Variants in NIPSNAP2 observed in about 807,000 individuals in gnomAD.
NIPSNAP2 encodes nipsnap homolog 2.
NIPSNAP2 carries 42 observed loss-of-function variants against 48.4 expected under a neutral mutation model. The ratio of observed to expected loss-of-function variants is 0.87; its 90% CI spans 0.68 to 1.12. NIPSNAP2 has a LOEUF of 1.12. NIPSNAP2 is among the 50% of genes most tolerant of loss of function. NIPSNAP2 has a pLI of 0.00. For synonymous variants in NIPSNAP2, 158 were observed against 126.6 expected, an observed-to-expected ratio of 1.25 and a Z score of -1.67; for missense variants, 314 against 347.3, an observed-to-expected ratio of 0.90 and a Z score of 0.76.
intron 5 of NIPSNAP2, among the ~76,000 whole-genome samples, chr7:55,982,691 G>A (rs549875745): frequency 6.6e-6 from 1 of 151,488 alleles, no homozygotes; most frequent in Admixed American, 6.6e-5. Flanking sequence ...GGTGGAGCTT[G>A]CAGTGAGCTG....
chr7:55,985,427 A>C (rs1338073835), intron 7 of NIPSNAP2, among the ~76,000 whole-genome samples: 1 of 152,112 alleles, frequency 6.6e-6, no homozygotes, highest in East Asian at 1.9e-4. Context: ...TCAAACTCCC[A>C]GCAGGCTTTA....
At chr7:55,982,345 A>T in intron 5 of NIPSNAP2, 65 bp downstream of exon 5, 3 of 962,166 alleles carry the variant, frequency 3.1e-6, no homozygotes, top group Non-Finnish European at 4.8e-6. Context: ...GAATTAAATG[A>T]CTTTTCTGTC....
In NIPSNAP2 at chr7:55,997,450, G is replaced by A; in HGVS notation, c.796+1G>A. ...TGGGAGGAATTGGTATATTACACAG[G>A]TAATCTCTTAACAGCCATGAAATAT... On this transcript the variant is annotated splice_donor_variant, in intron 9 of 9. Transcript: ENST00000322090. LOFTEE classifies it high-confidence loss of function. The A allele has an allele frequency of 6.2e-7, 1 of 1,605,306 alleles. No homozygotes were observed. Among genetic ancestry groups the A allele is most frequent in the South Asian group, 1.1e-5 (1 of 90,912 alleles).
intron 1 of NIPSNAP2, among the ~76,000 whole-genome samples, chr7:55,970,393 C>T (rs1786995452): frequency 6.6e-6 from 1 of 151,008 alleles, no homozygotes; most frequent in Non-Finnish European, 1.5e-5. Flanking sequence ...ACTGCAACGT[C>T]CGCCTCCCAG....
chr7:55,982,880 T>C (rs905135675), intron 5 of NIPSNAP2, among the ~76,000 whole-genome samples: 6 of 152,110 alleles, frequency 3.9e-5, no homozygotes, highest in African/African-American at 1.2e-4. Context: ...CCCAGCACTT[T>C]GGGAGGCCAA....
intron 1 of NIPSNAP2, among the ~76,000 whole-genome samples, chr7:55,969,430 A>G (rs1281097356): frequency 1.3e-5 from 2 of 152,148 alleles, no homozygotes; most frequent in African/African-American, 4.8e-5. Flanking sequence ...TTCCATGGGT[A>G]TCTACCTGAC....
intron 7 of NIPSNAP2, among the ~76,000 whole-genome samples, chr7:55,985,851 C>T (rs1487662954): frequency 6.6e-6 from 1 of 150,506 alleles, no homozygotes; most frequent in Non-Finnish European, 1.5e-5. Context: ...AGTTCGAGAC[C>T]AGCCTCGCTA....
intron 1 of NIPSNAP2, among the ~76,000 whole-genome samples, chr7:55,966,220 A>G (rs549136089): frequency 6.6e-6 from 1 of 152,336 alleles, no homozygotes; most frequent in Non-Finnish European, 1.5e-5. Flanking sequence ...TGTCTGGGCT[A>G]CAGGTAACAT....
chr7:55,997,325 A>G (rs1020996949), intron 8 of NIPSNAP2, 41 bp from the exon 9 acceptor site: 3 of 1,374,764 alleles, frequency 2.2e-6, no homozygotes, highest in Admixed American at 3.4e-5. Flanking sequence ...AATGCAGTGT[A>G]TGTGTTTTAA....
intron 9 of NIPSNAP2, among the ~76,000 whole-genome samples, chr7:55,997,748 TA>T (rs1238586463): frequency 6.6e-6 from 1 of 152,220 alleles, no homozygotes; most frequent in African/African-American, 2.4e-5. Flanking sequence ...TCTGAAAACT[TA>T]TTACACAAAT....
chr7:55,998,498 T>G (rs1218279592), intron 9 of NIPSNAP2, among the ~76,000 whole-genome samples: 1 of 124,174 alleles, frequency 8.1e-6, no homozygotes, highest in Non-Finnish European at 1.7e-5. Flanking sequence ...GATCTGTTTT[T>G]TTTTTTTTTT....
In NIPSNAP2 at chr7:56,000,030, A is replaced by G. The variant is rs887240013; in HGVS notation, c.*958A>G. The G allele has an allele frequency of 5.2e-5, 8 of 152,598 alleles. No homozygotes were observed. The highest frequency in any genetic ancestry group is 1.9e-4 in the African/African-American group (8 of 41,446). The allele number at this position is 152,598 out of a possible 1,614,324, so 9.5% of individuals were successfully genotyped here. The stretch of plus-strand genomic sequence containing the variant: ...AATTTTGTGACTGTTACCATGTGAA[A>G]GTCCTGTTGAAATGAACAATTGTCT... On this transcript the variant is annotated 3_prime_UTR_variant, in exon 10 of 10. Coordinates refer to ENST00000322090, the MANE Select transcript of NIPSNAP2 (RefSeq NM_001483.3).
chr7:55,979,987 T>C (rs1210373233), intron 3 of NIPSNAP2: 5 of 390,964 alleles, frequency 1.3e-5, no homozygotes, highest in South Asian at 9.3e-5. Context: ...CTGGGCCCCG[T>C]TGCCAGGCCC....
At chr7:55,985,000 T>A in intron 7 of NIPSNAP2, 122 bp downstream of exon 7, 1 of 687,530 alleles carries the variant, frequency 1.5e-6, no homozygotes, top group South Asian at 2.0e-5. Flanking sequence ...CACTAATGTT[T>A]CGTTTGATGT....
chr7:55,990,520 C>T (rs953611175), intron 7 of NIPSNAP2, among the ~76,000 whole-genome samples: 17 of 152,082 alleles, frequency 1.1e-4, no homozygotes, highest in East Asian at 1.9e-4. Context: ...CATGAGCCAC[C>T]GTGCCTAGCC....
chr7:55,997,530 G>C (rs2116382737), intron 9 of NIPSNAP2, 81 bp downstream of exon 9: 1 of 1,101,848 alleles, frequency 9.1e-7, no homozygotes, highest in South Asian at 1.3e-5. Flanking sequence ...TAATAGGTGG[G>C]TTTTGTAATA....
intron 5 of NIPSNAP2, 100 bp from the exon 6 acceptor site, chr7:55,983,628 A>C: frequency 8.1e-7 from 1 of 1,231,204 alleles, no homozygotes; most frequent in East Asian, 2.4e-5. Context: ...GGACCTGTTG[A>C]TTACCCTATT....
chr7:55,972,787 T>C (rs1032589391), intron 1 of NIPSNAP2, among the ~76,000 whole-genome samples: 2 of 152,094 alleles, frequency 1.3e-5, no homozygotes, highest in African/African-American at 4.8e-5. Flanking sequence ...TTCAAACTAA[T>C]TGACAAAATG....
intron 7 of NIPSNAP2, among the ~76,000 whole-genome samples, chr7:55,987,202 A>T (rs1485195205): frequency 6.6e-6 from 1 of 152,098 alleles, no homozygotes; most frequent in Non-Finnish European, 1.5e-5. Flanking sequence ...CAGCAGTCCC[A>T]CTTCTGGATA....
Sources: gnomAD v4.1 joint callset for allele counts (sites outside exome capture counted in the v4.1 genomes callset) on GRCh38, gnomAD v4.1.1 for gene constraint, MANE v1.5 for transcripts, NCBI Gene and HGNC (gene_info 2026-07-23, HGNC 2026-07-21) for gene names.